Variants in RGS5 observed in about 807,000 individuals in gnomAD.
RGS5 encodes the protein regulator of G-protein signalling 5.
A neutral mutation model predicts 18.9 loss-of-function variants in RGS5; 20 were observed. The ratio of observed to expected loss-of-function variants is 1.06; its 90% confidence interval spans 0.74 to 1.54. RGS5 has a LOEUF of 1.54. Among genes scored for constraint, RGS5 ranks in the 40% most tolerant of loss-of-function variants. RGS5 has a pLI of 0.00. For missense variants in RGS5, 201 were observed against 211.8 expected, an observed-to-expected ratio of 0.95 and a Z score of 0.32; for synonymous variants, 57 against 76.2, an observed-to-expected ratio of 0.75 and a Z score of 1.31.
chr1:163,312,831 C>G (rs540393986), intron 1 of RGS5, among the ~76,000 whole-genome samples: 2 of 152,178 alleles, frequency 1.3e-5, no homozygotes, highest in African/African-American at 4.8e-5. Flanking sequence ...CAGGGTCTGA[C>G]AAGTGCATGT....
At chr1:163,276,269 C>T (rs968956318) in intron 2 of RGS5, among the ~76,000 whole-genome samples, 1 of 152,138 alleles carries the variant, frequency 6.6e-6, no homozygotes, top group South Asian at 2.1e-4. Context: ...GCTGGGATTA[C>T]AGGCATGAGC....
intron 2 of RGS5, among the ~76,000 whole-genome samples, chr1:163,252,162 CA>C (rs781178131): frequency 9.9e-5 from 15 of 152,166 alleles, no homozygotes; most frequent in Admixed American, 4.6e-4. Flanking sequence ...TCCTTCCCAA[CA>C]CTTGGTATTG....
chr1:163,307,267 GTA>G lies in RGS5; in HGVS notation c.-377-940_-377-939del, dbSNP rs542100347. 5.1e-3 allele frequency among the ~76,000 whole-genome samples: 772 copies of G among 152,230 alleles called. 3 individuals are homozygous for G. The highest frequency in any genetic ancestry group is 0.017 in the African/African-American group (720 of 41,560). On this transcript the variant is annotated intron_variant, in intron 1 of 5. Coordinates refer to the RGS5 transcript ENST00000618415. ...CAATGTCAAGTAAAAATTGATTCTA[GTA>G]GATCCTCTACTTATTTTCTTCTCTG... is the stretch of plus-strand genomic sequence containing the variant.
chr1:163,292,332 C>G (rs1649309914), intron 2 of RGS5, among the ~76,000 whole-genome samples: 1 of 152,174 alleles, frequency 6.6e-6, no homozygotes, highest in African/African-American at 2.4e-5. Context: ...ATCCATGTCC[C>G]TGCAAAAGAC....
intron 3 of RGS5, 180 bp downstream of exon 3, chr1:163,161,735 C>T: frequency 1.9e-6 from 1 of 534,170 alleles, no homozygotes; most frequent in Admixed American, 3.0e-5. Flanking sequence ...TGCCACAGAC[C>T]CTCCTTTTCT....
At chr1:163,297,509 T>C (rs1156469746) in intron 2 of RGS5, among the ~76,000 whole-genome samples, 1 of 151,628 alleles carries the variant, frequency 6.6e-6, no homozygotes, top group African/African-American at 2.4e-5. Flanking sequence ...CCATTACCTT[T>C]GTTTAAGATA....
chr1:163,270,966 G>A (rs1050309016), intron 2 of RGS5, among the ~76,000 whole-genome samples: 1 of 152,006 alleles, frequency 6.6e-6, no homozygotes, highest in Non-Finnish European at 1.5e-5. Flanking sequence ...CTTTGTTGAG[G>A]TATAATTTAA....
chr1:163,187,686 C>T (rs1457947944), intron 1 of RGS5, among the ~76,000 whole-genome samples: 2 of 152,076 alleles, frequency 1.3e-5, no homozygotes, highest in Admixed American at 1.3e-4. Flanking sequence ...AACTCCGCAC[C>T]CCCTCCCCCA....
chr1:163,302,428 G>A (rs1649577168), intron 2 of RGS5, among the ~76,000 whole-genome samples: 1 of 152,114 alleles, frequency 6.6e-6, no homozygotes. Context: ...TGTTTCTTAA[G>A]CTATGTGTTA....
upstream of RGS5, among the ~76,000 whole-genome samples, chr1:163,219,491 C>T (rs1660290183): frequency 1.3e-5 from 2 of 152,182 alleles, no homozygotes; most frequent in Admixed American, 1.3e-4. Flanking sequence ...GTTCCTGCAA[C>T]CTTTTCCAGT....
intron 2 of RGS5, chr1:163,238,702 C>T (rs1034734025): frequency 1.1e-5 from 3 of 276,582 alleles, no homozygotes; most frequent in African/African-American, 6.8e-5. Context: ...TCATTTGATT[C>T]CCCTTATCCA....
chr1:163,286,098 C>A (rs1048346037), intron 2 of RGS5, among the ~76,000 whole-genome samples: 1 of 151,582 alleles, frequency 6.6e-6, no homozygotes, highest in Admixed American at 6.6e-5. Context: ...GGGATTCAAC[C>A]AACCATGAAT....
chr1:163,203,677 T>A (rs141989880), upstream of RGS5, among the ~76,000 whole-genome samples: 6 of 152,330 alleles, frequency 3.9e-5, no homozygotes, highest in African/African-American at 1.2e-4. Flanking sequence ...AATGATATTA[T>A]CTCTGAACTC....
At chr1:163,179,830 T>C (rs1341655710) in intron 1 of RGS5, among the ~76,000 whole-genome samples, 3 of 152,200 alleles carry the variant, frequency 2.0e-5, no homozygotes, top group African/African-American at 7.2e-5. Flanking sequence ...ACCTGAGGTG[T>C]TCAATGCCTT....
Position 163,303,592 on chromosome 1 carries a change from AT to A in RGS5, c.-281+2640del, listed in dbSNP as rs566725983. ...CTGTATACTTAAACTGTACTTCTGT[AT>A]TTGCTCATTCACTCATTTGAGACTG... On this transcript the variant is annotated intron_variant, in intron 2 of 5. Coordinates refer to the RGS5 transcript ENST00000618415. Among the ~76,000 whole-genome samples the A allele has an allele frequency of 8.5e-4, 130 of 152,286 alleles. 1 individual carries two copies. The highest frequency in any genetic ancestry group is 3.0e-3 in the African/African-American group (123 of 41,562).
At chr1:163,225,004 C>A (rs1216848946) in intron 2 of RGS5, among the ~76,000 whole-genome samples, 1 of 152,056 alleles carries the variant, frequency 6.6e-6, no homozygotes, top group African/African-American at 2.4e-5. Flanking sequence ...TGATTGCTTT[C>A]TTTGCTGTGC....
intron 2 of RGS5, among the ~76,000 whole-genome samples, chr1:163,257,240 C>T (rs1648297740): frequency 2.0e-5 from 3 of 151,992 alleles, no homozygotes; most frequent in African/African-American, 4.8e-5. Context: ...AGGAGGAATG[C>T]TTATTTCTAT....
At chr1:163,297,576 T>C (rs1353034588) in intron 2 of RGS5, among the ~76,000 whole-genome samples, 1 of 152,194 alleles carries the variant, frequency 6.6e-6, no homozygotes, top group Non-Finnish European at 1.5e-5. Flanking sequence ...CTTTCTTGTT[T>C]CAAAAAACAA....
chr1:163,301,648 T>C (rs553520682), intron 2 of RGS5, among the ~76,000 whole-genome samples: 3 of 152,148 alleles, frequency 2.0e-5, no homozygotes, highest in Non-Finnish European at 1.5e-5. Flanking sequence ...TGAGTCTTTA[T>C]AAAGAAAAAA....
Sources: allele counts gnomAD v4.1 joint callset (sites outside exome capture counted in the v4.1 genomes callset), GRCh38; gene constraint gnomAD v4.1.1; transcripts MANE v1.5; gene names NCBI Gene and HGNC (gene_info 2026-07-23, HGNC 2026-07-21).